LRRC4C: variants seen among roughly 807,000 people sequenced by gnomAD.
The protein encoded by LRRC4C is leucine-rich repeat-containing protein 4C.
In LRRC4C, 5 loss-of-function variants were observed where a neutral mutation model predicts 33.6. The ratio of observed to expected loss-of-function variants is 0.15; its 90% CI spans 0.08 to 0.31. LRRC4C has a LOEUF of 0.31. Ranked by LOEUF, LRRC4C falls within the 10% of genes least tolerant of loss-of-function variation. LRRC4C has a pLI of 1.00. For synonymous variants in LRRC4C, 329 were observed against 302.0 expected, an observed-to-expected ratio of 1.09 and a Z score of -0.93; for missense variants, 560 against 796.7, an observed-to-expected ratio of 0.70 and a Z score of 3.58.
intron 1 of LRRC4C, among the ~76,000 whole-genome samples, chr11:41,039,465 T>C (rs1857289754): frequency 6.6e-6 from 1 of 152,174 alleles, no homozygotes; most frequent in African/African-American, 2.4e-5. Flanking sequence ...CGAATATTTG[T>C]TATGTGAATG....
chr11:40,206,314 C>T (rs181897966), intron 5 of LRRC4C, among the ~76,000 whole-genome samples: 1 of 152,132 alleles, frequency 6.6e-6, no homozygotes, highest in African/African-American at 2.4e-5. Context: ...CGGCTCACTG[C>T]AACCTCCGCC....
At chr11:40,235,690 T>G (rs894914043) in intron 5 of LRRC4C, among the ~76,000 whole-genome samples, 1 of 152,154 alleles carries the variant, frequency 6.6e-6, no homozygotes, top group African/African-American at 2.4e-5. Context: ...TCCATACATA[T>G]CAACATGACA....
chr11:40,610,418 A>G (rs1437324342), intron 3 of LRRC4C, among the ~76,000 whole-genome samples: 1 of 151,876 alleles, frequency 6.6e-6, no homozygotes, highest in Non-Finnish European at 1.5e-5. Flanking sequence ...CTCATACTCA[A>G]TAGTATGAGG....
At position 40,792,821 on chromosome 11, in the gene LRRC4C, G is replaced by A. The variant is rs544383319; in HGVS notation, c.-407+140814C>T. ...ACTGTGCAGCCATAAAAAAGGATGA[G>A]TTCATGTCCTTTGTAGGGACATGGA... On this transcript the variant is annotated intron_variant, in intron 2 of 6. Coordinates refer to ENST00000528697, the MANE Select transcript of LRRC4C (RefSeq NM_001258419.2). Among the ~76,000 whole-genome samples the A allele has an allele frequency of 6.6e-5, 10 of 152,178 alleles. No individual in the cohort carries two copies. The East Asian group carries it at 1.5e-3, about 23-fold the overall frequency.
At chr11:40,425,021 CA>C (rs1950659664) in intron 3 of LRRC4C, among the ~76,000 whole-genome samples, 1 of 152,070 alleles carries the variant, frequency 6.6e-6, no homozygotes, top group Admixed American at 6.6e-5. Flanking sequence ...GAGAGAAGTA[CA>C]GAATTCATTC....
intron 2 of LRRC4C, among the ~76,000 whole-genome samples, chr11:40,835,465 A>C (rs1440949112): frequency 1.3e-5 from 2 of 152,196 alleles, no homozygotes; most frequent in East Asian, 1.9e-4. Context: ...TCTCTAGACT[A>C]TCTCTCTGAA....
At chr11:40,431,036 A>G (rs1950904892) in intron 3 of LRRC4C, among the ~76,000 whole-genome samples, 1 of 148,060 alleles carries the variant, frequency 6.8e-6, no homozygotes, top group Non-Finnish European at 1.5e-5. Context: ...AGCATGGCAC[A>G]TGTATACATA....
At chr11:41,091,756 T>G (rs1427944467) in intron 1 of LRRC4C, among the ~76,000 whole-genome samples, 1 of 152,176 alleles carries the variant, frequency 6.6e-6, no homozygotes, top group East Asian at 1.9e-4. Flanking sequence ...TCTTCTATTT[T>G]TATTAATAAT....
chr11:40,968,554 T>C lies in LRRC4C; in HGVS notation c.-495-34831A>G, dbSNP rs185429007. Among the ~76,000 whole-genome samples the C allele has an allele frequency of 5.9e-5, 9 of 152,238 alleles. No individual in the cohort carries two copies. In the East Asian group the frequency reaches 1.7e-3, roughly 29 times the overall value. On this transcript the variant is annotated intron_variant, in intron 1 of 6. Transcript: ENST00000528697. ...AAAACTTCAAAGAGCAGTCTGACTCTCCTATTAGGGGCCAATAAAACTGGT... is the reference window on the plus strand; with the variant it reads ...AAAACTTCAAAGAGCAGTCTGACTCCCCTATTAGGGGCCAATAAAACTGGT...
chr11:41,235,651 A>G (rs1343484116), intron 1 of LRRC4C, among the ~76,000 whole-genome samples: 1 of 152,132 alleles, frequency 6.6e-6, no homozygotes, highest in Non-Finnish European at 1.5e-5. Context: ...GTTTTTTAAA[A>G]CGTATGAATG....
At chr11:41,118,929 T>A (rs1048566654) in intron 1 of LRRC4C, among the ~76,000 whole-genome samples, 1 of 152,120 alleles carries the variant, frequency 6.6e-6, no homozygotes, top group East Asian at 1.9e-4. Context: ...CAAAAAATAG[T>A]TGTGCTCCTC....
At chr11:41,024,643 G>A (rs1246752170) in intron 1 of LRRC4C, among the ~76,000 whole-genome samples, 1 of 151,586 alleles carries the variant, frequency 6.6e-6, no homozygotes, top group Non-Finnish European at 1.5e-5. Flanking sequence ...GCATTATATG[G>A]CTTCATCTTA....
intron 2 of LRRC4C, among the ~76,000 whole-genome samples, chr11:40,787,264 G>C (rs560600145): frequency 2.6e-5 from 4 of 152,076 alleles, no homozygotes; most frequent in Non-Finnish European, 4.4e-5. Context: ...TGCCAACTGG[G>C]GGGGGTAGGG....
At chr11:41,320,317 T>A (rs34132389) in intron 1 of LRRC4C, among the ~76,000 whole-genome samples, 24,249 of 152,136 alleles carry the variant, frequency 0.16, 2,358 homozygotes, top group East Asian at 0.44. Context: ...TTGAAAGACA[T>A]AGAAGAAAGA....
At chr11:41,443,328 C>T (rs72898534) in intron 1 of LRRC4C, among the ~76,000 whole-genome samples, 3,731 of 151,916 alleles carry the variant, frequency 0.025, 59 homozygotes, top group Non-Finnish European at 0.038. Flanking sequence ...GGCAACGCAG[C>T]GCAACCCCAT....
chr11:40,987,630 G>GATATATATAT (rs747152583), intron 1 of LRRC4C, among the ~76,000 whole-genome samples: 3 of 88,598 alleles, frequency 3.4e-5, no homozygotes, highest in African/African-American at 1.2e-4. Flanking sequence ...AGTGGGTAAT[G>GATATATATAT]ATATATATAT....
At chr11:40,200,047 A>G (rs1862580670) in intron 5 of LRRC4C, among the ~76,000 whole-genome samples, 1 of 151,942 alleles carries the variant, frequency 6.6e-6, no homozygotes, top group South Asian at 2.1e-4. Flanking sequence ...CTTGTCAATT[A>G]AAACTCTTAA....
At chr11:40,370,103 C>A (rs75234791) in intron 3 of LRRC4C, among the ~76,000 whole-genome samples, 1 of 152,124 alleles carries the variant, frequency 6.6e-6, no homozygotes, top group Non-Finnish European at 1.5e-5. Flanking sequence ...TAGAATTCCT[C>A]TATCTGAGTA....
Position 41,396,415 on chromosome 11 carries a change from T to C in LRRC4C, c.-496+63016A>G, listed in dbSNP as rs1953816496. On this transcript the variant is annotated intron_variant, in intron 1 of 6. Coordinates refer to ENST00000528697, the MANE Select transcript of LRRC4C (RefSeq NM_001258419.2). The stretch of plus-strand genomic sequence containing the variant: ...TTTAGATTGTAATTTTGAGATTAGA[T>C]GATTTCTGAGTCCTTGGCCTATATT... Among the ~76,000 whole-genome samples, 7 of 152,014 alleles carry C rather than the reference T, an allele frequency of 4.6e-5. No individual in the cohort carries two copies. In the South Asian group the frequency reaches 1.4e-3, roughly 31 times the overall value.
Sources: allele counts gnomAD v4.1 joint callset (sites outside exome capture counted in the v4.1 genomes callset), GRCh38; gene constraint gnomAD v4.1.1; transcripts MANE v1.5; gene names NCBI Gene and HGNC (gene_info 2026-07-23, HGNC 2026-07-21).